FGF10: variants seen among roughly 807,000 people sequenced by gnomAD.
FGF10 encodes FGF-10.
FGF10 carries 2 observed loss-of-function variants against 19.8 expected under a neutral mutation model. That is an observed-to-expected ratio of 0.10 (90% CI 0.04 to 0.32). The LOEUF (loss-of-function observed/expected upper bound fraction) is 0.32. FGF10 is among the 10% of genes least tolerant of loss of function. FGF10 has a pLI of 1.00. For missense variants in FGF10, 191 were observed against 246.3 expected (o/e 0.78, Z 1.50); for synonymous variants, 112 against 94.0 (o/e 1.19, Z -1.10).
chr5:44,387,633 A>G lies in FGF10; in HGVS notation c.325+725T>C, dbSNP rs554350688. On this transcript the variant is annotated intron_variant, in intron 1 of 2. Transcript: ENST00000264664. The stretch of plus-strand genomic sequence containing the variant: ...TGCATACGCTATTGACAATGCAGAC[A>G]TGAGCATCATGTTACCAAGAGGGAA... Among the ~76,000 whole-genome samples, 4 of 152,312 alleles carry G rather than the reference A, an allele frequency of 2.6e-5. No homozygotes were observed. The South Asian group carries it at 8.3e-4, about 32-fold the overall frequency.
intron 2 of FGF10, 151 bp from the exon 3 acceptor site, chr5:44,305,343 GAAAAGT>G: frequency 1.5e-6 from 1 of 687,636 alleles, no homozygotes; most frequent in Non-Finnish European, 2.6e-6. Flanking sequence ...GTCAACAATA[GAAAAGT>G]AAATCTCAGA....
rs1484115162 is a variant in FGF10, at chr5:44,301,992, G to A, written c.*3003C>T. ...GTATTCTCAGAACCAAAACTCAAAT[G>A]GACACATATTTGTGGCTGATGCACT... On this transcript the variant is annotated 3_prime_UTR_variant, in exon 3 of 3. Transcript: ENST00000264664. Among the ~76,000 whole-genome samples the A allele has an allele frequency of 2.6e-5, 4 of 151,990 alleles. No homozygotes were observed. The highest frequency in any genetic ancestry group is 2.6e-4 in the Admixed American group (4 of 15,252).
intron 1 of FGF10, among the ~76,000 whole-genome samples, chr5:44,320,656 C>T (rs1011570050): frequency 6.6e-6 from 1 of 152,180 alleles, no homozygotes; most frequent in East Asian, 1.9e-4. Context: ...ACTTCTTCAC[C>T]ACATGCAGAT....
intron 1 of FGF10, among the ~76,000 whole-genome samples, chr5:44,318,859 G>T (rs528679060): frequency 1.5e-4 from 23 of 152,212 alleles, no homozygotes; most frequent in African/African-American, 5.1e-4. Flanking sequence ...AATCTAATTT[G>T]AGCTAAAATT....
At chr5:44,313,524 TC>T (rs1254164108) in intron 1 of FGF10, among the ~76,000 whole-genome samples, 1 of 151,868 alleles carries the variant, frequency 6.6e-6, no homozygotes, top group Non-Finnish European at 1.5e-5. Context: ...ATACTGGATC[TC>T]CCCGTGTTTC....
chr5:44,309,921 T>A (rs1740168867), intron 2 of FGF10, among the ~76,000 whole-genome samples: 1 of 152,082 alleles, frequency 6.6e-6, no homozygotes. Flanking sequence ...GAATTAAAGG[T>A]TATTGTCTAG....
chr5:44,383,463 ACCTT>A (rs1413716563), intron 1 of FGF10, among the ~76,000 whole-genome samples: 1 of 152,032 alleles, frequency 6.6e-6, no homozygotes, highest in African/African-American at 2.4e-5. Context: ...AGTCATTCAC[ACCTT>A]TAGGTAATAG....
chr5:44,357,603 G>T (rs753769355), intron 1 of FGF10, among the ~76,000 whole-genome samples: 1 of 151,210 alleles, frequency 6.6e-6, no homozygotes, highest in Non-Finnish European at 1.5e-5. Context: ...ACTTGTCTAC[G>T]GTCACATACC....
rs1740753832 is a variant in FGF10 at position 44,332,279 on chromosome 5, G to A, written c.326-21749C>T. Among the ~76,000 whole-genome samples the A allele has an allele frequency of 3.3e-5, 5 of 152,102 alleles. No individual in the cohort carries two copies. The South Asian group carries it at 1.0e-3, about 31-fold the overall frequency. On this transcript the variant is annotated intron_variant, in intron 1 of 2. Transcript: ENST00000264664. ...TCTGTAAAATAAGTTGGTTGCCCCA[G>A]TGAGTATCAAAGACTTTTCCAGCTT...
chr5:44,357,181 A>G lies in FGF10; in HGVS notation c.325+31177T>C, dbSNP rs1056575118. ...GATGAGTTATTTTTGTTTAGCAACAACAAAACCCTAAAGTTGGAAAAACTT... is the reference window on the plus strand; with the variant it reads ...GATGAGTTATTTTTGTTTAGCAACAGCAAAACCCTAAAGTTGGAAAAACTT... On this transcript the variant is annotated intron_variant, in intron 1 of 2. Transcript: ENST00000264664. Among the ~76,000 whole-genome samples, 6 of 151,564 alleles carry G rather than the reference A, an allele frequency of 4.0e-5. No homozygotes were observed. In the East Asian group the frequency reaches 1.2e-3, roughly 30 times the overall value.
intron 1 of FGF10, among the ~76,000 whole-genome samples, chr5:44,328,727 A>T (rs13165847): frequency 1.3e-5 from 2 of 152,026 alleles, no homozygotes; most frequent in African/African-American, 4.8e-5. Flanking sequence ...GCATTACTGC[A>T]CTCCATCTGA....
intron 1 of FGF10, among the ~76,000 whole-genome samples, chr5:44,365,182 C>T (rs1456212327): frequency 6.6e-6 from 1 of 151,634 alleles, no homozygotes; most frequent in Non-Finnish European, 1.5e-5. Flanking sequence ...TACCTAAGAC[C>T]TCCACTCAGA....
At chr5:44,361,851 A>C (rs1424226994) in intron 1 of FGF10, among the ~76,000 whole-genome samples, 1 of 151,524 alleles carries the variant, frequency 6.6e-6, no homozygotes, top group Non-Finnish European at 1.5e-5. Context: ...TACCATTCTC[A>C]TTTCCTTTCG....
At chr5:44,310,135 G>A (rs559041563) in intron 2 of FGF10, among the ~76,000 whole-genome samples, 1 of 152,152 alleles carries the variant, frequency 6.6e-6, no homozygotes, top group South Asian at 2.1e-4. Flanking sequence ...CATTTTCCAT[G>A]CCAATCTGAC....
chr5:44,309,496 C>T (rs935486753), intron 2 of FGF10, among the ~76,000 whole-genome samples: 1 of 152,088 alleles, frequency 6.6e-6, no homozygotes, highest in Admixed American at 6.6e-5. Context: ...TAACATTTCC[C>T]CTAAATATAT....
chr5:44,366,127 C>CTTTTT (rs35522683), intron 1 of FGF10, among the ~76,000 whole-genome samples: 246 of 74,748 alleles, frequency 3.3e-3, no homozygotes, highest in Admixed American at 5.6e-3. Context: ...CAATTATTTC[C>CTTTTT]TTTTTTTTTT....
At chr5:44,368,007 T>C (rs76020836) in intron 1 of FGF10, among the ~76,000 whole-genome samples, 2,021 of 152,162 alleles carry the variant, frequency 0.013, 89 homozygotes, top group East Asian at 0.12. Context: ...GATTTTTTTA[T>C]AGTTAATGTA....
At chr5:44,352,433 A>AT (rs1741256567) in intron 1 of FGF10, among the ~76,000 whole-genome samples, 1 of 151,536 alleles carries the variant, frequency 6.6e-6, no homozygotes, top group South Asian at 2.1e-4. Flanking sequence ...TAGGAACAAA[A>AT]TATCCACTGT....
chr5:44,304,938 C>G lies in FGF10; in HGVS notation c.*57G>C. On this transcript the variant is annotated 3_prime_UTR_variant, in exon 3 of 3. Transcript: ENST00000264664. ...ATCTACTGTCTTCATGAAGAATATC[C>G]ACTATTCTTGGCAAAAGAGCCATTG... 1 of 1,478,370 alleles carries G rather than the reference C, an allele frequency of 6.8e-7. No homozygotes were observed. Among genetic ancestry groups the G allele is most frequent in the Non-Finnish European group, 9.5e-7 (1 of 1,056,774 alleles). 91.6% of individuals were successfully genotyped at this position (1,478,370 alleles called of 1,614,324 possible).
Sources: gnomAD v4.1 joint callset for allele counts (sites outside exome capture counted in the v4.1 genomes callset) on GRCh38, gnomAD v4.1.1 for gene constraint, MANE v1.5 for transcripts, NCBI Gene and HGNC (gene_info 2026-07-23, HGNC 2026-07-21) for gene names.